The following SLC10A7 variants were observed in gnomAD, a reference collection of about 807,000 sequenced individuals.
SLC10A7 encodes solute carrier family 10 member 7.
Under a neutral mutation model 43.2 loss-of-function variants are expected in SLC10A7, and 29 were observed. That is an observed-to-expected ratio of 0.67 (90% CI 0.50 to 0.92). The LOEUF (loss-of-function observed/expected upper bound fraction) is 0.92. Among genes scored for constraint, SLC10A7 ranks in the 40% least tolerant of loss-of-function variants. The pLI is 0.00. For missense variants in SLC10A7, 295 were observed against 403.2 expected, an observed-to-expected ratio of 0.73 and a Z score of 2.30; for synonymous variants, 152 against 144.8, an observed-to-expected ratio of 1.05 and a Z score of -0.35.
intron 7 of SLC10A7, among the ~76,000 whole-genome samples, chr4:146,305,628 A>G (rs1731512497): frequency 6.6e-6 from 1 of 152,078 alleles, no homozygotes; most frequent in South Asian, 2.1e-4. Context: ...TTTTCAAGGT[A>G]GCTACACAGC....
chr4:146,446,722 T>C (rs1731114270), intron 4 of SLC10A7, among the ~76,000 whole-genome samples: 1 of 151,726 alleles, frequency 6.6e-6, no homozygotes, highest in Non-Finnish European at 1.5e-5. Context: ...TGGCCAGAAG[T>C]AGAAAGGGTG....
At chr4:146,354,323 A>G (rs886522414) in intron 5 of SLC10A7, among the ~76,000 whole-genome samples, 8 of 152,170 alleles carry the variant, frequency 5.3e-5, no homozygotes, top group Non-Finnish European at 8.8e-5. Context: ...TAGGAATCCA[A>G]CTTACAAGGG....
intron 5 of SLC10A7, among the ~76,000 whole-genome samples, chr4:146,415,932 C>T (rs758480019): frequency 1.6e-4 from 25 of 152,252 alleles, no homozygotes; most frequent in Non-Finnish European, 3.2e-4. Context: ...AGGAAAGCTC[C>T]CTAGCCTCTA....
At chr4:146,372,330 T>C (rs778388949) in intron 5 of SLC10A7, among the ~76,000 whole-genome samples, 2 of 151,870 alleles carry the variant, frequency 1.3e-5, no homozygotes, top group Non-Finnish European at 2.9e-5. Flanking sequence ...GGCATACACC[T>C]TTAGTCCAAG....
rs148348107 is a variant in SLC10A7, at chr4:146,436,006, C to T, written c.435+6777G>A. Among the ~76,000 whole-genome samples the T allele has an allele frequency of 2.0e-5, 3 of 151,960 alleles. No homozygotes were observed. In the East Asian group the frequency reaches 5.8e-4, roughly 29 times the overall value. ...AACTCCAGTCAATTGGCTAGTTCTA[C>T]ACCAGTAGATTTCTTTAAATGGTAA... On this transcript the variant is annotated intron_variant, in intron 5 of 11. Coordinates refer to ENST00000335472, the MANE Select transcript of SLC10A7 (RefSeq NM_001029998.6).
chr4:146,512,086 G>A (rs973353347), intron 2 of SLC10A7, among the ~76,000 whole-genome samples: 4 of 141,740 alleles, frequency 2.8e-5, no homozygotes, highest in African/African-American at 1.1e-4. Flanking sequence ...CGATTCTCCT[G>A]CCTCCACCTC....
rs559209591 is a variant in SLC10A7, at chr4:146,367,611, G to A, written c.436-41615C>T. ...TTTTCCATGTAGTGAAATTTAAGAG[G>A]TCTTTTCTAACAACCTTGCTTGAAA... On this transcript the variant is annotated intron_variant, in intron 5 of 11. Coordinates refer to ENST00000335472, the MANE Select transcript of SLC10A7 (RefSeq NM_001029998.6). 2.5e-4 allele frequency among the ~76,000 whole-genome samples: 38 copies of A among 152,108 alleles called. 1 individual carries two copies. In the South Asian group the frequency reaches 7.3e-3, roughly 29 times the overall value.
At chr4:146,363,927 C>A (rs1351090905) in intron 5 of SLC10A7, among the ~76,000 whole-genome samples, 1 of 151,800 alleles carries the variant, frequency 6.6e-6, no homozygotes, top group African/African-American at 2.4e-5. Context: ...AATAACCTAA[C>A]AATGAATCGT....
intron 5 of SLC10A7, among the ~76,000 whole-genome samples, chr4:146,417,606 T>G (rs985568658): frequency 6.6e-6 from 1 of 152,182 alleles, no homozygotes; most frequent in Non-Finnish European, 1.5e-5. Context: ...CTCTCAAAAT[T>G]TAAATGCTTC....
In SLC10A7 at chr4:146,254,365, A is replaced by T. The variant is rs2110949103; in HGVS notation, c.*2126T>A. 6.6e-6 allele frequency: 1 copy of T among 152,318 alleles called. No homozygotes were observed. Among genetic ancestry groups the T allele is most frequent in the African/African-American group, 2.4e-5 (1 of 41,582 alleles). 9.4% of individuals were successfully genotyped at this position (152,318 alleles called of 1,614,324 possible). ...TAGCTTTACAGTGTATAAACATAACAAAATATTTTAAGCTCTGAATAATTA... is the reference window on the plus strand; with the variant it reads ...TAGCTTTACAGTGTATAAACATAACTAAATATTTTAAGCTCTGAATAATTA... On this transcript the variant is annotated 3_prime_UTR_variant, in exon 12 of 12. Transcript: ENST00000335472.
chr4:146,326,786 G>C (rs1733138868), intron 5 of SLC10A7, among the ~76,000 whole-genome samples: 1 of 152,046 alleles, frequency 6.6e-6, no homozygotes, highest in Non-Finnish European at 1.5e-5. Context: ...TTTTTCCTTT[G>C]TCTCTCAACA....
rs184364189 is a variant in SLC10A7 at position 146,351,607 on chromosome 4, A to G, written c.436-25611T>C. 1.1e-3 allele frequency among the ~76,000 whole-genome samples: 175 copies of G among 152,178 alleles called. 1 individual carries two copies. The East Asian group carries it at 0.02, about 17-fold the overall frequency. Reference sequence around the variant, plus strand: ...GTCAGATTCACCAAACTTGAAATGAAGGAAAAAATGTTAAGGGCAGCCAGA... The same window carrying G: ...GTCAGATTCACCAAACTTGAAATGAGGGAAAAAATGTTAAGGGCAGCCAGA... On this transcript the variant is annotated intron_variant, in intron 5 of 11. Transcript: ENST00000335472.
At chr4:146,282,897 C>T (rs1196213337) in intron 10 of SLC10A7, among the ~76,000 whole-genome samples, 1 of 152,154 alleles carries the variant, frequency 6.6e-6, no homozygotes, top group African/African-American at 2.4e-5. Context: ...GTTTCCACAG[C>T]ATCTCCACCC....
chr4:146,342,587 CTAT>C (rs1299220119), intron 5 of SLC10A7, among the ~76,000 whole-genome samples: 7 of 151,264 alleles, frequency 4.6e-5, no homozygotes, highest in African/African-American at 1.7e-4. Context: ...AATAATAGTA[CTAT>C]TATTAAAATT....
intron 5 of SLC10A7, among the ~76,000 whole-genome samples, chr4:146,372,608 T>G (rs1299725367): frequency 2.0e-5 from 3 of 152,154 alleles, no homozygotes; most frequent in African/African-American, 2.4e-5. Flanking sequence ...TAATAACAGA[T>G]TCATAAAATC....
chr4:146,343,304 T>C (rs1734396269), intron 5 of SLC10A7, among the ~76,000 whole-genome samples: 1 of 152,002 alleles, frequency 6.6e-6, no homozygotes, highest in East Asian at 1.9e-4. Flanking sequence ...AATGTGCAGA[T>C]TGGGCCACAA....
At chr4:146,435,218 T>G (rs530009427) in intron 5 of SLC10A7, among the ~76,000 whole-genome samples, 85 of 152,330 alleles carry the variant, frequency 5.6e-4, no homozygotes, top group Middle Eastern at 3.4e-3. Flanking sequence ...AATTGTTTAC[T>G]TGAAATCCTA....
At chr4:146,418,526 T>A (rs1728732963) in intron 5 of SLC10A7, among the ~76,000 whole-genome samples, 1 of 152,186 alleles carries the variant, frequency 6.6e-6, no homozygotes, top group East Asian at 1.9e-4. Flanking sequence ...AAAAGTGAAA[T>A]AGGAAAAGAT....
intron 5 of SLC10A7, among the ~76,000 whole-genome samples, chr4:146,429,877 A>G (rs1225212244): frequency 6.6e-6 from 1 of 152,200 alleles, no homozygotes; most frequent in Non-Finnish European, 1.5e-5. Context: ...AGGCAATGAA[A>G]AAAAATCCAT....
Sources: gnomAD v4.1 joint callset for allele counts (sites outside exome capture counted in the v4.1 genomes callset) on GRCh38, gnomAD v4.1.1 for gene constraint, MANE v1.5 for transcripts, NCBI Gene and HGNC (gene_info 2026-07-23, HGNC 2026-07-21) for gene names.